The following ZNF148 variants were observed in gnomAD, a reference collection of about 807,000 sequenced individuals.
ZNF148 encodes the protein Beta-Enolase Repressor Factor-1.
ZNF148 carries 7 observed loss-of-function variants against 67.7 expected under a neutral mutation model. The observed-to-expected ratio is 0.10, with a 90% CI of 0.06 to 0.19. The LOEUF is 0.19. Ranked by LOEUF, ZNF148 falls within the 10% of genes least tolerant of loss-of-function variation. The pLI, the probability that ZNF148 is intolerant of heterozygous loss-of-function variation, is 1.00. For missense variants in ZNF148, 583 were observed against 947.1 expected, an observed-to-expected ratio of 0.62 and a Z score of 5.05; for synonymous variants, 333 against 330.7, an observed-to-expected ratio of 1.01 and a Z score of -0.08.
intron 7 of ZNF148, among the ~76,000 whole-genome samples, chr3:125,260,378 A>G (rs1434994466): frequency 6.6e-6 from 1 of 152,180 alleles, no homozygotes; most frequent in Non-Finnish European, 1.5e-5. Context: ...TCCATCTATC[A>G]TATGACCCAG....
intron 3 of ZNF148, among the ~76,000 whole-genome samples, chr3:125,316,995 G>T (rs754262937): frequency 5.3e-5 from 8 of 152,148 alleles, no homozygotes; most frequent in Non-Finnish European, 1.0e-4. Flanking sequence ...CAGGAAGAGA[G>T]CACACCTTGA....
intron 1 of ZNF148, among the ~76,000 whole-genome samples, chr3:125,354,716 T>A (rs1942279397): frequency 6.6e-6 from 1 of 152,348 alleles, no homozygotes; most frequent in African/African-American, 2.4e-5. Context: ...TTGCCTAAGC[T>A]ATCATAACTA....
At chr3:125,322,906 T>C (rs528254320) in intron 3 of ZNF148, among the ~76,000 whole-genome samples, 2 of 152,188 alleles carry the variant, frequency 1.3e-5, no homozygotes, top group Non-Finnish European at 2.9e-5. Context: ...AAAAATTATA[T>C]AGCAAACATC....
chr3:125,336,677 C>CTTTTTTT (rs71148176), intron 1 of ZNF148, among the ~76,000 whole-genome samples: 24,145 of 94,738 alleles, frequency 0.25, 4,991 homozygotes, highest in Non-Finnish European at 0.31. Flanking sequence ...CAGAAATCAC[C>CTTTTTTT]TTTTTTTTTT....
chr3:125,308,407 A>G lies in ZNF148; in HGVS notation c.333+4901T>C, dbSNP rs554016946. The stretch of plus-strand genomic sequence containing the variant: ...ATGCTGAAATAAAGAAAACCTAAAT[A>G]AAAGTAAAGGTGTACTACATTCATG... On this transcript the variant is annotated intron_variant, in intron 4 of 8. Transcript: ENST00000360647. 3.9e-5 allele frequency among the ~76,000 whole-genome samples: 6 copies of G among 152,252 alleles called. No homozygotes were observed. The East Asian group carries it at 1.2e-3, about 29-fold the overall frequency.
intron 1 of ZNF148, among the ~76,000 whole-genome samples, chr3:125,332,893 T>C (rs571961924): frequency 1.3e-5 from 2 of 152,354 alleles, no homozygotes; most frequent in Admixed American, 6.5e-5. Context: ...TAGAATATTA[T>C]ATATTCTGTA....
chr3:125,362,831 A>G (rs903280836), intron 1 of ZNF148, among the ~76,000 whole-genome samples: 2 of 152,296 alleles, frequency 1.3e-5, no homozygotes, highest in African/African-American at 4.8e-5. Flanking sequence ...CTGAAATAAC[A>G]GGTATGAGCT....
At chr3:125,301,690 G>A (rs1939595091) in intron 4 of ZNF148, among the ~76,000 whole-genome samples, 1 of 152,128 alleles carries the variant, frequency 6.6e-6, no homozygotes, top group Non-Finnish European at 1.5e-5. Context: ...AAAAACACTT[G>A]AGTAAAGGAC....
At chr3:125,275,374 T>C (rs1937997474) in intron 7 of ZNF148, among the ~76,000 whole-genome samples, 2 of 152,218 alleles carry the variant, frequency 1.3e-5, no homozygotes, top group East Asian at 1.9e-4. Flanking sequence ...TAAGCCATAA[T>C]TGGCTTAGTG....
At chr3:125,308,118 A>C (rs1307487891) in intron 4 of ZNF148, among the ~76,000 whole-genome samples, 1 of 152,230 alleles carries the variant, frequency 6.6e-6, no homozygotes, top group Non-Finnish European at 1.5e-5. Context: ...AAAGTAAGTA[A>C]AACATATGGA....
chr3:125,350,431 C>A (rs1023199384), intron 1 of ZNF148, among the ~76,000 whole-genome samples: 1 of 152,200 alleles, frequency 6.6e-6, no homozygotes, highest in South Asian at 2.1e-4. Flanking sequence ...TCGGCCTCCC[C>A]AGGTGCTGGG....
intron 4 of ZNF148, among the ~76,000 whole-genome samples, chr3:125,295,973 G>A (rs969164009): frequency 6.6e-6 from 1 of 151,834 alleles, no homozygotes; most frequent in Non-Finnish European, 1.5e-5. Flanking sequence ...GATACACAAA[G>A]GATTAGCAAT....
At chr3:125,331,732 A>G (rs1325058491) in intron 1 of ZNF148, among the ~76,000 whole-genome samples, 1 of 152,208 alleles carries the variant, frequency 6.6e-6, no homozygotes, top group Non-Finnish European at 1.5e-5. Context: ...GTTCAAAGCA[A>G]AAGGTATTTA....
At chr3:125,322,049 TG>T (rs976591416) in intron 3 of ZNF148, among the ~76,000 whole-genome samples, 4 of 148,190 alleles carry the variant, frequency 2.7e-5, no homozygotes, top group African/African-American at 7.5e-5. Flanking sequence ...TTTTTTTTTT[TG>T]AGAGAGAGTC....
At chr3:125,291,133 T>G (rs1323305220) in intron 4 of ZNF148, among the ~76,000 whole-genome samples, 1 of 152,152 alleles carries the variant, frequency 6.6e-6, no homozygotes, top group Non-Finnish European at 1.5e-5. Flanking sequence ...GACTGACTCC[T>G]TGGAATCATT....
At chr3:125,308,187 A>G (rs1440147703) in intron 4 of ZNF148, among the ~76,000 whole-genome samples, 4 of 152,242 alleles carry the variant, frequency 2.6e-5, no homozygotes, top group African/African-American at 9.6e-5. Flanking sequence ...ACTAATCAGT[A>G]AAGATAACAA....
chr3:125,314,592 G>A (rs1191277056), intron 3 of ZNF148, among the ~76,000 whole-genome samples: 1 of 152,094 alleles, frequency 6.6e-6, no homozygotes, highest in African/African-American at 2.4e-5. Context: ...TTACTGAAAT[G>A]AACAGCTCAA....
chr3:125,282,191 A>G (rs368316023), intron 5 of ZNF148, among the ~76,000 whole-genome samples: 2 of 152,144 alleles, frequency 1.3e-5, no homozygotes, highest in African/African-American at 4.8e-5. Flanking sequence ...CAAATAGCAC[A>G]CTAACGCAGG....
In ZNF148 at chr3:125,288,224, C is replaced by T. The variant is rs765978128; in HGVS notation, c.338G>A (p.Ser113Asn). ...GLQYALNVPISVKQEITFTDV... is the reference protein window; with the variant it reads ...GLQYALNVPINVKQEITFTDV... ...AGTAAAAGTAATTTCCTGCTTTACG[C>T]TTATCTGTTTAAAAAAAGAAAAGCC... The change falls in exon 5 of 9, where the codon AGC (serine) becomes AAC (asparagine). Residue 113 changes from serine (S) to asparagine (N), a missense_variant. By Grantham distance (46) the Ser-to-Asn change is conservative. Transcript: ENST00000360647. 3.2e-5 allele frequency: 52 copies of T among 1,603,862 alleles called. 1 individual carries two copies. In the Admixed American group the frequency reaches 7.2e-4, roughly 22 times the overall value.
Sources: allele counts gnomAD v4.1 joint callset (sites outside exome capture counted in the v4.1 genomes callset), GRCh38; gene constraint gnomAD v4.1.1; transcripts MANE v1.5; gene names NCBI Gene and HGNC (gene_info 2026-07-23, HGNC 2026-07-21).